The following HS3ST5 variants were observed in gnomAD, a reference collection of about 807,000 sequenced individuals.
HS3ST5 encodes heparan sulfate glucosamine 3-O-sulfotransferase 5.
Under a neutral mutation model 25.4 loss-of-function variants are expected in HS3ST5, and 10 were observed. The ratio of observed to expected loss-of-function variants is 0.39; its 90% CI spans 0.24 to 0.67. The LOEUF is 0.67. HS3ST5 is among the 30% of genes least tolerant of loss of function. The pLI is 0.44. For missense variants in HS3ST5, 324 were observed against 420.7 expected (o/e 0.77, Z 2.01); for synonymous variants, 170 against 162.4 (o/e 1.05, Z -0.36).
rs1396381241 is a variant in HS3ST5, at chr6:114,161,574, T to TATATATATAA, written c.-33+6776_-33+6777insTTATATATAT. Among the ~76,000 whole-genome samples the TATATATATAA allele has an allele frequency of 5.8e-4, 59 of 102,410 alleles. 1 individual carries two copies. Among genetic ancestry groups the TATATATATAA allele is most frequent in the South Asian group, 9.5e-4 (3 of 3,156 alleles). The allele number at this position is 102,410 out of a possible 152,430, so 67.2% of individuals were successfully genotyped here. A position where few individuals can be genotyped will look rare whatever the true frequency, so the allele number is the denominator to read the frequency against. ...ATATATATATATATATATATATATA[T>TATATATATAA]AAAATGCAATGGCGTGTATGTGTGT... is the stretch of plus-strand genomic sequence containing the variant. On this transcript the variant is annotated intron_variant, in intron 3 of 4. Coordinates refer to ENST00000312719, the MANE Select transcript of HS3ST5 (RefSeq NM_153612.4).
chr6:114,200,066 A>C (rs944167031), intron 2 of HS3ST5, among the ~76,000 whole-genome samples: 13 of 152,116 alleles, frequency 8.5e-5, no homozygotes, highest in Admixed American at 2.6e-4. Flanking sequence ...ACTAAAACAA[A>C]ATTAGCTGGG....
chr6:114,188,365 G>GT (rs1468347547), intron 2 of HS3ST5, among the ~76,000 whole-genome samples: 2 of 152,176 alleles, frequency 1.3e-5, no homozygotes, highest in Non-Finnish European at 2.9e-5. Flanking sequence ...ATAGTTACAT[G>GT]TTTATATAAC....
intron 2 of HS3ST5, chr6:114,220,808 A>G (rs564436597): frequency 6.6e-6 from 1 of 152,098 alleles, no homozygotes; most frequent in South Asian, 2.1e-4. Flanking sequence ...CATTTTTTTA[A>G]AAGTCTAATT....
At chr6:114,227,430 A>C (rs1209211006) in intron 2 of HS3ST5, among the ~76,000 whole-genome samples, 2 of 151,852 alleles carry the variant, frequency 1.3e-5, no homozygotes, top group Non-Finnish European at 2.9e-5. Flanking sequence ...TGAACCTTTA[A>C]CATCACAATT....
intron 2 of HS3ST5, among the ~76,000 whole-genome samples, chr6:114,186,043 G>A (rs892146506): frequency 1.1e-4 from 16 of 151,880 alleles, no homozygotes; most frequent in African/African-American, 3.4e-4. Flanking sequence ...TAAATGTTGG[G>A]TATTCTGACT....
chr6:114,155,449 G>T (rs1316096057), intron 3 of HS3ST5, among the ~76,000 whole-genome samples: 1 of 152,100 alleles, frequency 6.6e-6, no homozygotes, highest in Non-Finnish European at 1.5e-5. Flanking sequence ...AAGAAAAAAA[G>T]ACAAGCATGC....
chr6:114,200,934 A>G (rs2114367323), intron 2 of HS3ST5, among the ~76,000 whole-genome samples: 1 of 152,288 alleles, frequency 6.6e-6, no homozygotes, highest in South Asian at 2.1e-4. Context: ...TACATATAAG[A>G]TATAACTTAA....
intron 1 of HS3ST5, among the ~76,000 whole-genome samples, chr6:114,260,496 A>T (rs1773123938): frequency 6.6e-6 from 1 of 152,230 alleles, no homozygotes; most frequent in African/African-American, 2.4e-5. Context: ...TTTATAATCA[A>T]TATAAAAAGG....
At chr6:114,202,729 TGG>T (rs1234495643) in intron 2 of HS3ST5, among the ~76,000 whole-genome samples, 1 of 152,158 alleles carries the variant, frequency 6.6e-6, no homozygotes, top group Non-Finnish European at 1.5e-5. Flanking sequence ...AGCAGACATT[TGG>T]TAGATTCAGA....
intron 2 of HS3ST5, among the ~76,000 whole-genome samples, chr6:114,192,828 T>C (rs375476907): frequency 6.6e-6 from 1 of 152,178 alleles, no homozygotes; most frequent in African/African-American, 2.4e-5. Context: ...TCAAAATATA[T>C]ATAGACTACC....
At chr6:114,119,779 G>A (rs73767005) in intron 3 of HS3ST5, among the ~76,000 whole-genome samples, 93 of 152,290 alleles carry the variant, frequency 6.1e-4, no homozygotes, top group African/African-American at 2.2e-3. Context: ...AATGTTTATC[G>A]AGTAACTACT....
At chr6:114,190,576 A>G (rs1171791025) in intron 2 of HS3ST5, among the ~76,000 whole-genome samples, 1 of 152,194 alleles carries the variant, frequency 6.6e-6, no homozygotes, top group Non-Finnish European at 1.5e-5. Flanking sequence ...TCCTCAGAAC[A>G]GAGTGCAGTG....
chr6:114,079,976 C>T (rs941111973), intron 3 of HS3ST5, among the ~76,000 whole-genome samples: 1 of 152,082 alleles, frequency 6.6e-6, no homozygotes, highest in Middle Eastern at 3.2e-3. Context: ...AGGGTTTCTC[C>T]ATGTTGGTCA....
chr6:114,311,228 T>C (rs9488369), intron 1 of HS3ST5, among the ~76,000 whole-genome samples: 58,925 of 151,982 alleles, frequency 0.39, 11,692 homozygotes, highest in South Asian at 0.42. Context: ...TAAAATCTGA[T>C]GCTATTCGAC....
chr6:114,238,291 A>G (rs539132510), intron 1 of HS3ST5, among the ~76,000 whole-genome samples: 4 of 152,348 alleles, frequency 2.6e-5, no homozygotes, highest in African/African-American at 9.6e-5. Context: ...GAAATTGCTC[A>G]ATAGTGTCTC....
intron 3 of HS3ST5, among the ~76,000 whole-genome samples, chr6:114,103,068 T>C (rs1238590457): frequency 6.6e-6 from 1 of 152,204 alleles, no homozygotes; most frequent in East Asian, 1.9e-4. Flanking sequence ...AAATAACAAT[T>C]GTTCAACCCT....
chr6:114,218,457 G>A (rs955058718), intron 2 of HS3ST5, among the ~76,000 whole-genome samples: 1 of 152,160 alleles, frequency 6.6e-6, no homozygotes, highest in African/African-American at 2.4e-5. Flanking sequence ...ACATATATTG[G>A]TATGAATAAT....
At chr6:114,184,891 C>G (rs192983817) in intron 2 of HS3ST5, among the ~76,000 whole-genome samples, 1 of 152,342 alleles carries the variant, frequency 6.6e-6, no homozygotes. Context: ...TCATCCCTTT[C>G]TTCCCCATTT....
At chr6:114,235,229 G>C (rs1771798807) in intron 1 of HS3ST5, among the ~76,000 whole-genome samples, 1 of 152,126 alleles carries the variant, frequency 6.6e-6, no homozygotes, top group African/African-American at 2.4e-5. Flanking sequence ...CTCCAATACT[G>C]CATAAAATGG....
Sources: gnomAD v4.1 joint callset for allele counts (sites outside exome capture counted in the v4.1 genomes callset) on GRCh38, gnomAD v4.1.1 for gene constraint, MANE v1.5 for transcripts, NCBI Gene and HGNC (gene_info 2026-07-23, HGNC 2026-07-21) for gene names.